Variants in KIRREL3 observed in about 807,000 individuals in gnomAD.
KIRREL3 encodes the protein kin of IRRE-like protein 3.
In KIRREL3, 36 loss-of-function variants were observed where a neutral mutation model predicts 89.7. That is an observed-to-expected ratio of 0.40 (90% CI 0.31 to 0.53). The LOEUF is 0.53. Among genes scored for constraint, KIRREL3 ranks in the 20% least tolerant of loss-of-function variants. KIRREL3 has a pLI of 0.49. For synonymous variants in KIRREL3, 445 were observed against 441.4 expected, an observed-to-expected ratio of 1.01 and a Z score of -0.10; for missense variants, 864 against 1,056.6, an observed-to-expected ratio of 0.82 and a Z score of 2.53.
In KIRREL3 at chr11:126,455,701, C is replaced by T. The variant is rs943702549; in HGVS notation, c.848+648G>A. On this transcript the variant is annotated intron_variant, in intron 7 of 16. Transcript: ENST00000525144. The surrounding 1 kb of genome is among the most constrained non-coding windows in gnomAD (Gnocchi z 6.4). ...GTCCCAGCTACTTGGGAGGCTGAGG[C>T]GGGAGAATGGCGTGAACCCAGGAGG... Among the ~76,000 whole-genome samples the T allele has an allele frequency of 2.0e-5, 3 of 151,968 alleles. No homozygotes were observed. The highest frequency in any genetic ancestry group is 6.5e-5 in the Admixed American group (1 of 15,276).
chr11:126,464,345 CA>C (rs59100386), intron 5 of KIRREL3, among the ~76,000 whole-genome samples: 172 of 94,872 alleles, frequency 1.8e-3, no homozygotes, highest in Middle Eastern at 6.7e-3. Context: ...CTGTCACTAC[CA>C]AAAAAAAAAA....
intron 1 of KIRREL3, among the ~76,000 whole-genome samples, chr11:126,793,254 C>A (rs184059838): frequency 6.6e-6 from 1 of 152,080 alleles, no homozygotes; most frequent in African/African-American, 2.4e-5. Context: ...CCACAGTGCA[C>A]GGGGCTTTCT....
intron 15 of KIRREL3, among the ~76,000 whole-genome samples, 200 bp from the exon 16 acceptor site, chr11:126,425,924 T>C (rs1239889769): frequency 6.6e-6 from 1 of 150,960 alleles, no homozygotes; most frequent in Non-Finnish European, 1.5e-5. Context: ...GGGGGGTGGG[T>C]GAGTAGGTGA....
At position 126,509,502 on chromosome 11, in the gene KIRREL3, A is replaced by G. The variant is rs544303780; in HGVS notation, c.433+11813T>C. ...AGGTTGACATTAGGAAGAACATATC[A>G]GGTTCTCCATCCTCTTTTTTCCTTT... On this transcript the variant is annotated intron_variant, in intron 4 of 16. Transcript: ENST00000525144. Among the ~76,000 whole-genome samples, 9 of 152,336 alleles carry G rather than the reference A, an allele frequency of 5.9e-5. No homozygotes were observed. The East Asian group carries it at 1.5e-3, about 26-fold the overall frequency.
chr11:126,430,040 A>G lies in KIRREL3; in HGVS notation c.1697-752T>C, dbSNP rs1038961777. 2.0e-5 allele frequency among the ~76,000 whole-genome samples: 3 copies of G among 152,052 alleles called. No homozygotes were observed. The highest frequency in any genetic ancestry group is 7.2e-5 in the African/African-American group (3 of 41,398). ...ATGCCAGCTACTCGGGAGGCTGAGC[A>G]TGAGACTCGCTTGAATGAACCCGGG... On this transcript the variant is annotated intron_variant, in intron 14 of 16. Transcript: ENST00000525144. This position sits in a 1 kb window ranked among gnomAD's most constrained non-coding sequence, Gnocchi z 6.6.
rs930150000 is a variant in KIRREL3 at position 126,454,402 on chromosome 11, C to T, written c.848+1947G>A. On this transcript the variant is annotated intron_variant, in intron 7 of 16. Coordinates refer to ENST00000525144, the MANE Select transcript of KIRREL3 (RefSeq NM_032531.4). This position sits in a 1 kb window ranked among gnomAD's most constrained non-coding sequence, Gnocchi z 5.8. ...CCTGGCAGTGAGGAGAAACGAAAGT[C>T]GAAAGTTGTGTGTCCTGGTCTCTGG... 6.6e-6 allele frequency among the ~76,000 whole-genome samples: 1 copy of T among 152,044 alleles called. No individual in the cohort carries two copies. The highest frequency in any genetic ancestry group is 2.4e-5 in the African/African-American group (1 of 41,384).
At chr11:126,584,356 T>G (rs917529237) in intron 1 of KIRREL3, among the ~76,000 whole-genome samples, 9 of 152,210 alleles carry the variant, frequency 5.9e-5, no homozygotes, top group African/African-American at 1.9e-4. Flanking sequence ...GGCGAGCGCC[T>G]GTGGATGCAC....
rs80308993 is a variant in KIRREL3 at position 126,592,812 on chromosome 11, T to C, written c.56-29900A>G. 6.3e-3 allele frequency among the ~76,000 whole-genome samples: 954 copies of C among 152,216 alleles called. 9 individuals are homozygous for C. Among genetic ancestry groups the C allele is most frequent in the African/African-American group, 0.022 (917 of 41,530 alleles). On this transcript the variant is annotated intron_variant, in intron 1 of 16. Coordinates refer to ENST00000525144, the MANE Select transcript of KIRREL3 (RefSeq NM_032531.4). ...GAAGAGAAAGCTATTGAGCTGGGTG[T>C]GGTCACAGCAGGGAAGGGCTGGGAG...
In KIRREL3 at chr11:126,605,615, T is replaced by G. The variant is rs1211517619; in HGVS notation, c.56-42703A>C. Among the ~76,000 whole-genome samples, 1 of 152,258 alleles carries G rather than the reference T, an allele frequency of 6.6e-6. No homozygotes were observed. The highest frequency in any genetic ancestry group is 1.5e-5 in the Non-Finnish European group (1 of 68,048). On this transcript the variant is annotated intron_variant, in intron 1 of 16. Transcript: ENST00000525144. This position sits in a 1 kb window ranked among gnomAD's most constrained non-coding sequence, Gnocchi z 5.7. ...CCCAGAGACAACCGGCGCGTTTTAA[T>G]AATGTCTACTTGGGTTAATGAAAGT...
chr11:126,650,890 G>C (rs1057166982), intron 1 of KIRREL3, among the ~76,000 whole-genome samples: 1 of 152,202 alleles, frequency 6.6e-6, no homozygotes, highest in African/African-American at 2.4e-5. Context: ...TGGACTTACA[G>C]TTCCACATGG....
chr11:126,427,533 T>C lies in KIRREL3; in HGVS notation c.1806+1646A>G, dbSNP rs1477912208. ...ATTAGCAGGCAGAGAGAACAGCCGG[T>C]GCACAGGCCTTTGAAGTCCAAAAGA... On this transcript the variant is annotated intron_variant, in intron 15 of 16. Transcript: ENST00000525144. This position sits in a 1 kb window ranked among gnomAD's most constrained non-coding sequence, Gnocchi z 5.3. 2.6e-5 allele frequency among the ~76,000 whole-genome samples: 4 copies of C among 152,160 alleles called. No individual in the cohort carries two copies.
chr11:126,496,178 T>C lies in KIRREL3; in HGVS notation c.434-22712A>G, dbSNP rs1957650381. Among the ~76,000 whole-genome samples, 1 of 152,232 alleles carries C rather than the reference T, an allele frequency of 6.6e-6. No homozygotes were observed. The highest frequency in any genetic ancestry group is 2.4e-5 in the African/African-American group (1 of 41,460). On this transcript the variant is annotated intron_variant, in intron 4 of 16. Coordinates refer to ENST00000525144, the MANE Select transcript of KIRREL3 (RefSeq NM_032531.4). The surrounding 1 kb of genome is among the most constrained non-coding windows in gnomAD (Gnocchi z 4.9). ...CACTGAGCTTGGAGGTGATTTGTTA[T>C]GCAGAAATTGACAACCAGACAGATT...
At chr11:126,800,496 A>T (rs1950997218) in intron 1 of KIRREL3, among the ~76,000 whole-genome samples, 1 of 152,146 alleles carries the variant, frequency 6.6e-6, no homozygotes, top group Non-Finnish European at 1.5e-5. Flanking sequence ...CCAGGGAAGG[A>T]TTTCTCCCTT....
At chr11:126,717,962 A>G (rs1948030761) in intron 1 of KIRREL3, among the ~76,000 whole-genome samples, 2 of 152,202 alleles carry the variant, frequency 1.3e-5, no homozygotes, top group East Asian at 3.9e-4. Flanking sequence ...GTGATTGCTA[A>G]TATGCTAACC....
chr11:126,503,332 C>A (rs1327574240), intron 4 of KIRREL3, among the ~76,000 whole-genome samples: 1 of 152,104 alleles, frequency 6.6e-6, no homozygotes, highest in African/African-American at 2.4e-5. Flanking sequence ...CGGGTAGGTA[C>A]CCTGGCCTGG....
chr11:126,870,744 C>G lies in KIRREL3; in HGVS notation c.55+129711G>C, dbSNP rs1348705839. Among the ~76,000 whole-genome samples, 3 of 152,226 alleles carry G rather than the reference C, an allele frequency of 2.0e-5. No individual in the cohort carries two copies. Among genetic ancestry groups the G allele is most frequent in the African/African-American group, 7.2e-5 (3 of 41,456 alleles). On this transcript the variant is annotated intron_variant, in intron 1 of 16. Coordinates refer to ENST00000525144, the MANE Select transcript of KIRREL3 (RefSeq NM_032531.4). This position sits in a 1 kb window ranked among gnomAD's most constrained non-coding sequence, Gnocchi z 4.4. Reference sequence around the variant, plus strand: ...CCAAGAGGTCACGAGGCATACCCAGCTCCTGCCATTACAGAGGAGGACAGC... The same window carrying G: ...CCAAGAGGTCACGAGGCATACCCAGGTCCTGCCATTACAGAGGAGGACAGC...
Position 126,683,512 on chromosome 11 carries a change from T to C in KIRREL3, c.56-120600A>G, listed in dbSNP as rs1946548507. Among the ~76,000 whole-genome samples, 2 of 152,330 alleles carry C rather than the reference T, an allele frequency of 1.3e-5. No homozygotes were observed. The highest frequency in any genetic ancestry group is 2.1e-4 in the South Asian group (1 of 4,828). Reference sequence around the variant, plus strand: ...GAAAGTCACTAGACTTCTTTAACCATTTCTTTCTTATCTGCAAAATGGGAA... The same window carrying C: ...GAAAGTCACTAGACTTCTTTAACCACTTCTTTCTTATCTGCAAAATGGGAA... On this transcript the variant is annotated intron_variant, in intron 1 of 16. Transcript: ENST00000525144. The surrounding 1 kb of genome is among the most constrained non-coding windows in gnomAD (Gnocchi z 5.2).
At position 126,900,305 on chromosome 11, in the gene KIRREL3, A is replaced by G. The variant is rs1946324520; in HGVS notation, c.55+100150T>C. Among the ~76,000 whole-genome samples the G allele has an allele frequency of 6.6e-6, 1 of 152,198 alleles. No individual in the cohort carries two copies. The highest frequency in any genetic ancestry group is 6.5e-5 in the Admixed American group (1 of 15,280). On this transcript the variant is annotated intron_variant, in intron 1 of 16. Transcript: ENST00000525144. This position sits in a 1 kb window ranked among gnomAD's most constrained non-coding sequence, Gnocchi z 4.4. Reference sequence around the variant, plus strand: ...AATGATCAGAGGAAAAGTGATTCAGATGGGGTTTAGAACTACTCAGAGTCT... The same window carrying G: ...AATGATCAGAGGAAAAGTGATTCAGGTGGGGTTTAGAACTACTCAGAGTCT...
chr11:126,950,543 A>G (rs748445056), intron 1 of KIRREL3, among the ~76,000 whole-genome samples: 19 of 152,314 alleles, frequency 1.2e-4, no homozygotes, highest in Non-Finnish European at 2.5e-4. Context: ...TCTGGTAACA[A>G]TGGTGTCCCA....
Sources: allele counts gnomAD v4.1 joint callset (sites outside exome capture counted in the v4.1 genomes callset), GRCh38; gene constraint gnomAD v4.1.1; non-coding constraint Gnocchi (gnomAD v3.1); transcripts MANE v1.5; gene names NCBI Gene and HGNC (gene_info 2026-07-23, HGNC 2026-07-21).